SENP6: variants seen among roughly 807,000 people sequenced by gnomAD.
SENP6 encodes SUMO specific peptidase 6.
Under a neutral mutation model 134.5 loss-of-function variants are expected in SENP6, and 41 were observed. That is an observed-to-expected ratio of 0.30 (90% CI 0.24 to 0.40). The LOEUF (loss-of-function observed/expected upper bound fraction) is 0.40. Among genes scored for constraint, SENP6 ranks in the 10% least tolerant of loss-of-function variants. The pLI is 1.00. For missense variants in SENP6, 1,248 were observed against 1,312.5 expected, an observed-to-expected ratio of 0.95 and a Z score of 0.76; for synonymous variants, 395 against 429.8, an observed-to-expected ratio of 0.92 and a Z score of 1.00.
Position 75,703,031 on chromosome 6 carries a change from A to G in SENP6, c.2675A>G (p.Asn892Ser), listed in dbSNP as rs1277626711. The change falls in exon 19 of 24, where the codon AAT becomes AGT. Residue 892 changes from asparagine to serine, a missense_variant. Asn to Ser is a conservative substitution (Grantham distance 46, BLOSUM62 1). Around this residue, in one of 3 missense-constraint regions of SENP6, gnomAD observed 386 missense variants for 395.0 expected, o/e 0.98. Coordinates refer to ENST00000447266, the MANE Select transcript of SENP6 (RefSeq NM_015571.4). The part of the protein sequence containing the change: ...QKVADRTKSE[N>S]GLQNESLSST... ...GTTGCTGATAGGACTAAAAGTGAGAATGGCCTACAGAATGAAAGTTTAAGT... is the reference window on the plus strand; with the variant it reads ...GTTGCTGATAGGACTAAAAGTGAGAGTGGCCTACAGAATGAAAGTTTAAGT... 14 of 1,613,066 alleles carry G rather than the reference A, an allele frequency of 8.7e-6. No individual in the cohort carries two copies. Among genetic ancestry groups the G allele is most frequent in the Non-Finnish European group, 1.2e-5 (14 of 1,179,668 alleles).
chr6:75,638,392 A>C (rs866542190), intron 5 of SENP6, among the ~76,000 whole-genome samples: 1 of 150,054 alleles, frequency 6.7e-6, no homozygotes, highest in African/African-American at 2.4e-5. Flanking sequence ...CCCCGGTTTT[A>C]TGTTTTATTT....
At chr6:75,626,625 T>G (rs1768718605) in intron 3 of SENP6, among the ~76,000 whole-genome samples, 1 of 152,158 alleles carries the variant, frequency 6.6e-6, no homozygotes, top group Non-Finnish European at 1.5e-5. Flanking sequence ...TTTTTTCATA[T>G]CTGTGTAGTA....
Position 75,703,060 on chromosome 6 carries a change from A to G in SENP6, c.2704A>G (p.Thr902Ala), listed in dbSNP as rs200513593. Reference sequence around the variant, plus strand: ...CCTACAGAATGAAAGTTTAAGTTCCACACATCATACAGGTATGTATCTAAA... The same window carrying G: ...CCTACAGAATGAAAGTTTAAGTTCCGCACATCATACAGGTATGTATCTAAA... ...NGLQNESLSSTHHTDGLSKIR... is the reference protein window; with the variant it reads ...NGLQNESLSSAHHTDGLSKIR... Residue 902 changes from threonine to alanine, a missense_variant, in exon 19 of 24, where the codon ACA (threonine) becomes GCA (alanine). Around this residue, in one of 3 missense-constraint regions of SENP6, gnomAD observed 386 missense variants for 395.0 expected, o/e 0.98. Transcript: ENST00000447266. 1.9e-4 allele frequency: 301 copies of G among 1,603,360 alleles called. No homozygotes were observed. The African/African-American group carries it at 3.7e-3, about 20-fold the overall frequency.
At chr6:75,674,842 C>T (rs965576214) in intron 11 of SENP6, among the ~76,000 whole-genome samples, 11 of 152,118 alleles carry the variant, frequency 7.2e-5, no homozygotes, top group South Asian at 2.1e-4. Context: ...TATAACTCCC[C>T]GCTAAATTTT....
intron 19 of SENP6, among the ~76,000 whole-genome samples, chr6:75,704,289 G>GT (rs2149901271): frequency 6.6e-6 from 1 of 152,266 alleles, no homozygotes; most frequent in Admixed American, 6.5e-5. Flanking sequence ...TCAGCAAGAG[G>GT]AATGCCGTAG....
At chr6:75,693,691 A>G (rs1774453346) in intron 16 of SENP6, among the ~76,000 whole-genome samples, 1 of 152,162 alleles carries the variant, frequency 6.6e-6, no homozygotes, top group African/African-American at 2.4e-5. Context: ...ATTATTGCAT[A>G]TTAGTGATAA....
intron 19 of SENP6, 97 bp from the exon 20 acceptor site, chr6:75,709,430 T>C: frequency 1.3e-6 from 1 of 741,418 alleles, no homozygotes; most frequent in Non-Finnish European, 2.2e-6. Flanking sequence ...TCTTGACTAC[T>C]GTATCATTAA....
chr6:75,674,854 C>T (rs1772964221), intron 11 of SENP6, among the ~76,000 whole-genome samples: 1 of 152,154 alleles, frequency 6.6e-6, no homozygotes, highest in Non-Finnish European at 1.5e-5. Context: ...CTAAATTTTA[C>T]TATTAGCATT....
chr6:75,686,204 A>G (rs977587827), intron 16 of SENP6, among the ~76,000 whole-genome samples: 1 of 152,036 alleles, frequency 6.6e-6, no homozygotes, highest in African/African-American at 2.4e-5. Flanking sequence ...TTTATCCGAG[A>G]CTAGGATTGC....
At chr6:75,623,665 T>G (rs954668521) in intron 2 of SENP6, among the ~76,000 whole-genome samples, 8 of 152,196 alleles carry the variant, frequency 5.3e-5, no homozygotes, top group African/African-American at 9.6e-5. Flanking sequence ...TGCCACCTAA[T>G]TCAGTTAATA....
chr6:75,637,591 A>C (rs1162817752), intron 5 of SENP6, among the ~76,000 whole-genome samples: 1 of 152,158 alleles, frequency 6.6e-6, no homozygotes, highest in Non-Finnish European at 1.5e-5. Context: ...GAAACAACAC[A>C]TTTTATGGGT....
chr6:75,651,203 CT>C (rs34320407), intron 7 of SENP6, among the ~76,000 whole-genome samples: 3 of 151,732 alleles, frequency 2.0e-5, no homozygotes, highest in Non-Finnish European at 4.4e-5. Flanking sequence ...CTTAAACTCC[CT>C]TTTTTTTCAG....
intron 18 of SENP6, 85 bp downstream of exon 18, chr6:75,697,602 T>A: frequency 1.1e-6 from 1 of 883,098 alleles, no homozygotes; most frequent in Non-Finnish European, 1.8e-6. Context: ...GGTGAAGAAT[T>A]CATTTTAAAA....
At position 75,621,383 on chromosome 6, in the gene SENP6, G is replaced by A. The variant is rs1209832607; in HGVS notation, c.53-149G>A. 7.2e-6 allele frequency: 4 copies of A among 557,952 alleles called. No homozygotes were observed. The African/African-American group carries it at 7.9e-5, about 11-fold the overall frequency. 34.6% of individuals were successfully genotyped at this position (557,952 alleles called of 1,614,324 possible). On this transcript the variant is annotated intron_variant, in intron 1 of 23. Coordinates refer to ENST00000447266, the MANE Select transcript of SENP6 (RefSeq NM_015571.4). ...TTTTAATGTCTTCTTTTTCTCTTTG[G>A]AGGAAATCAAATGTTTACAAAAAAT...
chr6:75,678,963 T>G (rs1465936010), intron 16 of SENP6, 36 bp downstream of exon 16: 1 of 1,011,648 alleles, frequency 9.9e-7, no homozygotes, highest in East Asian at 2.4e-5. Context: ...TATTAAATCT[T>G]TAACATTCCG....
chr6:75,631,536 C>T (rs1205534815), intron 3 of SENP6, among the ~76,000 whole-genome samples: 2 of 152,104 alleles, frequency 1.3e-5, no homozygotes, highest in African/African-American at 2.4e-5. Context: ...GTGGTTTTTA[C>T]GTTTTTAAAT....
At chr6:75,715,296 T>G in intron 23 of SENP6, 89 bp from the exon 24 acceptor site, 9 of 995,364 alleles carry the variant, frequency 9.0e-6, no homozygotes, top group Non-Finnish European at 1.4e-5. Context: ...TTGTTGGGTT[T>G]TCTTATTTTT....
chr6:75,682,913 A>G (rs572379282), intron 16 of SENP6, among the ~76,000 whole-genome samples: 1 of 152,304 alleles, frequency 6.6e-6, no homozygotes, highest in South Asian at 2.1e-4. Flanking sequence ...TCCTTTGGGT[A>G]TATACCAGGT....
At chr6:75,706,988 GAGA>G (rs1409232184) in intron 19 of SENP6, among the ~76,000 whole-genome samples, 2 of 152,166 alleles carry the variant, frequency 1.3e-5, no homozygotes, top group Non-Finnish European at 2.9e-5. Flanking sequence ...CTCCTTATAT[GAGA>G]AGTTCTCAGG....
Sources: gnomAD v4.1 joint callset for allele counts (sites outside exome capture counted in the v4.1 genomes callset) on GRCh38, gnomAD v4.1.1 for gene constraint, gnomAD v4.1.1 regional missense constraint, MANE v1.5 for transcripts, NCBI Gene and HGNC (gene_info 2026-07-23, HGNC 2026-07-21) for gene names.